Variants in EPHA4 observed in about 807,000 individuals in gnomAD.
EPHA4 encodes ephrin type-A receptor 4.
Under a neutral mutation model 108.3 loss-of-function variants are expected in EPHA4, and 19 were observed. The observed-to-expected ratio is 0.18, with a 90% CI of 0.12 to 0.26. The LOEUF is 0.26. EPHA4 is among the 10% of genes least tolerant of loss of function. EPHA4 has a pLI of 1.00. For missense variants in EPHA4, 917 were observed against 1,254.0 expected, an observed-to-expected ratio of 0.73 and a Z score of 4.06; for synonymous variants, 449 against 455.5, an observed-to-expected ratio of 0.99 and a Z score of 0.18.
At chr2:221,565,415 C>T (rs1351105156) in intron 2 of EPHA4, among the ~76,000 whole-genome samples, 1 of 152,162 alleles carries the variant, frequency 6.6e-6, no homozygotes, top group Non-Finnish European at 1.5e-5. Flanking sequence ...TTAACATCTA[C>T]AGTAATGCAT....
At chr2:221,532,530 A>G (rs1460883721) in intron 3 of EPHA4, 1 of 152,226 alleles carries the variant, frequency 6.6e-6, no homozygotes, top group Non-Finnish European at 1.5e-5. Flanking sequence ...CAGGCACATG[A>G]ATTAACCAAA....
chr2:221,572,511 G>A (rs1364455056), upstream of EPHA4: 2 of 132,814 alleles, frequency 1.5e-5, no homozygotes, highest in African/African-American at 2.9e-4. Flanking sequence ...GGGCGAGCAC[G>A]GCCGGTCCCC....
chr2:221,523,239 C>T (rs368680493), intron 3 of EPHA4, among the ~76,000 whole-genome samples: 30 of 152,170 alleles, frequency 2.0e-4, no homozygotes, highest in African/African-American at 6.5e-4. Context: ...CCCCCAACAA[C>T]GCTAAGAAGT....
chr2:221,424,476 CA>C (rs201109701), intron 17 of EPHA4, among the ~76,000 whole-genome samples: 1,621 of 140,026 alleles, frequency 0.012, 25 homozygotes, highest in African/African-American at 0.036. Context: ...TGAAATAACT[CA>C]AAAAAAAAAA....
At chr2:221,475,604 G>C (rs1406507330) in intron 5 of EPHA4, among the ~76,000 whole-genome samples, 1 of 152,128 alleles carries the variant, frequency 6.6e-6, no homozygotes, top group East Asian at 1.9e-4. Context: ...GCCCATGTTC[G>C]CTTTGCCGGA....
At chr2:221,541,882 C>G (rs1330179454) in intron 3 of EPHA4, among the ~76,000 whole-genome samples, 1 of 152,158 alleles carries the variant, frequency 6.6e-6, no homozygotes. Context: ...ACTTTGCATG[C>G]AGCAGCATTT....
At chr2:221,426,214 G>T in intron 16 of EPHA4, 72 bp from the exon 17 acceptor site, 2 of 1,350,176 alleles carry the variant, frequency 1.5e-6, no homozygotes, top group Non-Finnish European at 1.1e-6. Context: ...TGGGCTTCAT[G>T]CAGACACACG....
intron 5 of EPHA4, among the ~76,000 whole-genome samples, chr2:221,477,249 G>A (rs1440714735): frequency 6.6e-6 from 1 of 152,128 alleles, no homozygotes; most frequent in Non-Finnish European, 1.5e-5. Flanking sequence ...TTCAGCATGG[G>A]GCAATGGAGC....
chr2:221,520,858 C>T (rs1265515882), intron 3 of EPHA4, among the ~76,000 whole-genome samples: 3 of 152,124 alleles, frequency 2.0e-5, no homozygotes, highest in African/African-American at 7.2e-5. Flanking sequence ...GCCAGTTGCA[C>T]TTTTAGCATG....
intron 11 of EPHA4, 76 bp downstream of exon 11, chr2:221,442,753 T>G: frequency 6.7e-7 from 1 of 1,499,744 alleles, no homozygotes; most frequent in Non-Finnish European, 9.2e-7. Context: ...CATCTGTCAT[T>G]TCCCTGGAAA....
chr2:221,421,666 G>A (rs1157256532), intron 17 of EPHA4, among the ~76,000 whole-genome samples: 1 of 152,196 alleles, frequency 6.6e-6, no homozygotes, highest in Non-Finnish European at 1.5e-5. Context: ...ACCAAAGGAA[G>A]TAAGTTCCCT....
At chr2:221,536,575 A>G (rs1234127943) in intron 3 of EPHA4, among the ~76,000 whole-genome samples, 2 of 152,230 alleles carry the variant, frequency 1.3e-5, no homozygotes, top group African/African-American at 4.8e-5. Context: ...TCCATGCTTC[A>G]TCCATGAAGT....
chr2:221,426,415 A>C, intron 16 of EPHA4, 49 bp downstream of exon 16: 1 of 1,550,338 alleles, frequency 6.5e-7, no homozygotes, highest in Non-Finnish European at 8.7e-7. Flanking sequence ...AAAAGAAAAT[A>C]CTATTAAATC....
intron 4 of EPHA4, among the ~76,000 whole-genome samples, chr2:221,491,696 G>A (rs1692147483): frequency 6.6e-6 from 1 of 152,048 alleles, no homozygotes; most frequent in Non-Finnish European, 1.5e-5. Flanking sequence ...TCATTTTCAT[G>A]GGGATTATCT....
At chr2:221,455,455 A>G in intron 8 of EPHA4, 92 bp downstream of exon 8, 2 of 998,570 alleles carry the variant, frequency 2.0e-6, no homozygotes. Context: ...TTATGACGCA[A>G]TCAAAAGCCT....
intron 3 of EPHA4, among the ~76,000 whole-genome samples, chr2:221,555,725 G>C (rs1694285129): frequency 6.6e-6 from 1 of 152,164 alleles, no homozygotes; most frequent in South Asian, 2.1e-4. Context: ...GGGGACAGCT[G>C]AGGCCTTCTT....
At chr2:221,427,974 TAA>T (rs775183958) in intron 15 of EPHA4, among the ~76,000 whole-genome samples, 50 of 152,338 alleles carry the variant, frequency 3.3e-4, no homozygotes, top group Non-Finnish European at 6.8e-4. Flanking sequence ...TATTTCAATA[TAA>T]GTTTGATTTT....
intron 4 of EPHA4, among the ~76,000 whole-genome samples, chr2:221,493,715 G>A (rs1203234134): frequency 6.6e-6 from 1 of 152,150 alleles, no homozygotes; most frequent in Admixed American, 6.5e-5. Context: ...CTTTCTGGGA[G>A]GAAATACAGC....
intron 17 of EPHA4, chr2:221,422,144 A>T (rs1689778885): frequency 6.6e-6 from 1 of 152,114 alleles, no homozygotes; most frequent in African/African-American, 2.4e-5. Flanking sequence ...CATGAACATG[A>T]ATGTTATGTT....
Sources: allele counts gnomAD v4.1 joint callset (sites outside exome capture counted in the v4.1 genomes callset), GRCh38; gene constraint gnomAD v4.1.1; transcripts MANE v1.5; gene names NCBI Gene and HGNC (gene_info 2026-07-23, HGNC 2026-07-21).